POLR2F: variants seen among roughly 807,000 people sequenced by gnomAD.
POLR2F encodes the protein RNA polymerase II, I and III subunit F.
In POLR2F, 12 loss-of-function variants were observed where a neutral mutation model predicts 22.7. The observed-to-expected ratio is 0.53, with a 90% confidence interval of 0.34 to 0.86. POLR2F has a LOEUF of 0.86. Among genes scored for constraint, POLR2F ranks in the 40% least tolerant of loss-of-function variants. The pLI is 0.02. For missense variants in POLR2F, 126 were observed against 171.5 expected (o/e 0.73, Z 1.48); for synonymous variants, 57 against 66.0 (o/e 0.86, Z 0.66).
upstream of POLR2F, chr22:37,983,493 T>G: frequency 1.2e-6 from 2 of 1,611,642 alleles, no homozygotes; most frequent in Non-Finnish European, 1.7e-6. The surrounding 1 kb of genome is among the most constrained non-coding windows in gnomAD (Gnocchi z 9.5). Flanking sequence ...TTGCTTTTGC[T>G]GGCGCCGTTG....
intron 1 of POLR2F, among the ~76,000 whole-genome samples, chr22:38,015,133 G>T (rs1325820301): frequency 6.6e-6 from 1 of 152,182 alleles, no homozygotes; most frequent in Non-Finnish European, 1.5e-5. Context: ...ATACAGTGTT[G>T]AACAGAAGTG....
chr22:37,983,594 T>G (rs372400283), upstream of POLR2F: 9 of 1,608,940 alleles, frequency 5.6e-6, no homozygotes, highest in Non-Finnish European at 6.8e-6. The surrounding 1 kb of genome is among the most constrained non-coding windows in gnomAD (Gnocchi z 9.5). Context: ...CTTGTCATCG[T>G]CCGCCTCGCC....
chr22:38,010,145 TGA>T (rs1335449695), intron 1 of POLR2F, among the ~76,000 whole-genome samples: 1 of 152,020 alleles, frequency 6.6e-6, no homozygotes, highest in Non-Finnish European at 1.5e-5. Context: ...GAGGCTGAGG[TGA>T]GAGGATTACT....
At chr22:37,988,124 C>T (rs1932634724) in intron 1 of POLR2F, 1 of 145,642 alleles carries the variant, frequency 6.9e-6, no homozygotes, top group Non-Finnish European at 1.5e-5. Context: ...GAGATTGAGA[C>T]CATCCTGGCC....
At chr22:37,992,688 C>T (rs544533318) in intron 1 of POLR2F, among the ~76,000 whole-genome samples, 8 of 152,252 alleles carry the variant, frequency 5.3e-5, no homozygotes, top group South Asian at 2.1e-4. Context: ...TGTGAGCCAC[C>T]GTGCCCGCCC....
intron 1 of POLR2F, among the ~76,000 whole-genome samples, chr22:38,002,919 G>A (rs1462017104): frequency 6.6e-6 from 1 of 152,032 alleles, no homozygotes; most frequent in African/African-American, 2.4e-5. Context: ...TAGAGACGGG[G>A]TTTCACCGTG....
At chr22:38,009,672 TC>T (rs1368191498) in intron 1 of POLR2F, among the ~76,000 whole-genome samples, 2 of 151,742 alleles carry the variant, frequency 1.3e-5, no homozygotes, top group Admixed American at 6.6e-5. Flanking sequence ...TTGTCATCCC[TC>T]CCTTCACCCC....
chr22:38,024,402 G>T (rs1019805743), intron 1 of POLR2F, among the ~76,000 whole-genome samples: 2 of 152,132 alleles, frequency 1.3e-5, no homozygotes, highest in African/African-American at 4.8e-5. Context: ...GAATACGTGT[G>T]GTCACATTAT....
At chr22:38,020,705 G>A (rs2084954121) in intron 1 of POLR2F, among the ~76,000 whole-genome samples, 1 of 151,820 alleles carries the variant, frequency 6.6e-6, no homozygotes, top group African/African-American at 2.4e-5. Context: ...TCATGCCACT[G>A]CACTCTAGCC....
At chr22:38,036,548 A>G (rs2085117968) in intron 5 of POLR2F, among the ~76,000 whole-genome samples, 1 of 149,190 alleles carries the variant, frequency 6.7e-6, no homozygotes, top group Non-Finnish European at 1.5e-5. Context: ...CTCAGTAAAC[A>G]CTTACTGAAA....
At chr22:37,960,829 G>A (rs562561696) in intron 3 of POLR2F, among the ~76,000 whole-genome samples, 18 of 150,326 alleles carry the variant, frequency 1.2e-4, no homozygotes, top group South Asian at 2.1e-4. Context: ...CACCGTGCCC[G>A]GCCGGTGCAA....
At chr22:37,960,005 T>C (rs901434904) in intron 3 of POLR2F, among the ~76,000 whole-genome samples, 1 of 152,004 alleles carries the variant, frequency 6.6e-6, no homozygotes, top group Admixed American at 6.6e-5. Flanking sequence ...GGTCTCGCCA[T>C]GTTGCCTAGG....
chr22:37,979,481 T>A (rs1932328752), intron 4 of POLR2F, among the ~76,000 whole-genome samples: 1 of 151,730 alleles, frequency 6.6e-6, no homozygotes, highest in African/African-American at 2.4e-5. Flanking sequence ...GGGTCCTGAT[T>A]GTGTGAATTC....
intron 3 of POLR2F, 94 bp downstream of exon 3, chr22:37,959,570 A>G (rs994320452): frequency 4.3e-6 from 6 of 1,398,386 alleles, no homozygotes; most frequent in East Asian, 2.3e-5. Context: ...CTGAAAACAG[A>G]CTCTCTGCTC....
chr22:37,962,768 G>C (rs1931698716), intron 3 of POLR2F, among the ~76,000 whole-genome samples: 1 of 152,058 alleles, frequency 6.6e-6, no homozygotes, highest in African/African-American at 2.4e-5. Flanking sequence ...TTGGCTCACT[G>C]CAAGCTCTGC....
chr22:37,961,583 T>C (rs1931642127), intron 3 of POLR2F, among the ~76,000 whole-genome samples: 1 of 152,160 alleles, frequency 6.6e-6, no homozygotes, highest in African/African-American at 2.4e-5. Flanking sequence ...GCAGATGTGT[T>C]AGCCATAGGC....
chr22:38,015,083 G>A (rs2084905354), intron 1 of POLR2F, among the ~76,000 whole-genome samples: 1 of 152,294 alleles, frequency 6.6e-6, no homozygotes, highest in African/African-American at 2.4e-5. Flanking sequence ...TAGGATTACA[G>A]GCATGAGCCA....
At chr22:37,990,648 G>T (rs545287407) in intron 1 of POLR2F, among the ~76,000 whole-genome samples, 301 of 152,354 alleles carry the variant, frequency 2.0e-3, no homozygotes, top group African/African-American at 6.9e-3. Flanking sequence ...CTGGAACCTG[G>T]CACGGCCAAA....
intron 2 of POLR2F, among the ~76,000 whole-genome samples, chr22:37,959,094 C>A (rs1288120712): frequency 6.6e-6 from 1 of 152,146 alleles, no homozygotes; most frequent in Non-Finnish European, 1.5e-5. Context: ...AATCTCAGAC[C>A]TCCATTACCA....
Sources: allele counts gnomAD v4.1 joint callset (sites outside exome capture counted in the v4.1 genomes callset), GRCh38; gene constraint gnomAD v4.1.1; non-coding constraint Gnocchi (gnomAD v3.1); transcripts MANE v1.5; gene names NCBI Gene and HGNC (gene_info 2026-07-23, HGNC 2026-07-21).